The following JPT1 variants were observed in gnomAD, a reference collection of about 807,000 sequenced individuals.
The protein encoded by JPT1 is Jupiter microtubule associated homolog 1.
A neutral mutation model predicts 17.0 loss-of-function variants in JPT1; 5 were observed. The ratio of observed to expected loss-of-function variants is 0.29; its 90% CI spans 0.15 to 0.62. The LOEUF (loss-of-function observed/expected upper bound fraction) is 0.62, where lower values mean the gene tolerates loss of function less well. Ranked by LOEUF, JPT1 falls within the 20% of genes least tolerant of loss-of-function variation. The pLI, the probability that JPT1 is intolerant of heterozygous loss-of-function variation, is 0.85. For missense variants in JPT1, 158 were observed against 188.1 expected, an observed-to-expected ratio of 0.84 and a Z score of 0.94; for synonymous variants, 71 against 73.6, an observed-to-expected ratio of 0.96 and a Z score of 0.18.
In JPT1 at chr17:75,147,552, T is replaced by C. The variant is rs1237632224; in HGVS notation, c.297+4A>G. 1 of 1,606,980 alleles carries C rather than the reference T, an allele frequency of 6.2e-7. No homozygotes were observed. The highest frequency in any genetic ancestry group is 1.7e-5 in the Admixed American group (1 of 60,004). ...CCTTTCTGGCCTCATGCTGTCACAC[T>C]GACCTTCAGATCTAAGAAGTCTCCG... On this transcript the variant is annotated splice_donor_region_variant and intron_variant, in intron 3 of 4. Coordinates refer to ENST00000409753, the MANE Select transcript of JPT1 (RefSeq NM_016185.4).
intron 1 of JPT1, among the ~76,000 whole-genome samples, chr17:75,150,386 G>A (rs1354663914): frequency 6.6e-6 from 1 of 151,890 alleles, no homozygotes; most frequent in Non-Finnish European, 1.5e-5. Context: ...CTGAGTAGCT[G>A]GGATTACAGG....
At chr17:75,154,138 G>A in intron 1 of JPT1, 1 of 271,616 alleles carries the variant, frequency 3.7e-6, no homozygotes. Flanking sequence ...TGAATGGAGA[G>A]CAGCAGGGAC....
chr17:75,142,588 AGGGAGGGAG>A (rs2074337960), intron 4 of JPT1, among the ~76,000 whole-genome samples: 1 of 40,442 alleles, frequency 2.5e-5, no homozygotes, highest in South Asian at 1.7e-3. Flanking sequence ...AGGGAGGGAG[AGGGAGGGAG>A]GGAGGGGAAG....
chr17:75,138,911 G>A (rs144911661), intron 4 of JPT1, among the ~76,000 whole-genome samples: 10 of 152,250 alleles, frequency 6.6e-5, no homozygotes, highest in African/African-American at 2.4e-4. Flanking sequence ...TTCTATGGGA[G>A]TAACATAAAA....
chr17:75,143,702 G>A (rs993143642), intron 4 of JPT1, among the ~76,000 whole-genome samples: 16 of 148,142 alleles, frequency 1.1e-4, no homozygotes, highest in Non-Finnish European at 1.8e-4. Context: ...TGGGCATGGT[G>A]GTGCATGCCT....
intron 2 of JPT1, chr17:75,147,972 C>T: frequency 3.4e-6 from 1 of 295,044 alleles, no homozygotes; most frequent in Non-Finnish European, 6.4e-6. Flanking sequence ...GCACTCTGTA[C>T]TCCAGCCTGG....
chr17:75,144,022 TA>T (rs1243569374), intron 4 of JPT1, among the ~76,000 whole-genome samples: 3 of 150,804 alleles, frequency 2.0e-5, no homozygotes, highest in Non-Finnish European at 4.4e-5. Flanking sequence ...AACCCAGTCT[TA>T]AAAAAACACC....
In JPT1 at chr17:75,136,043, T is replaced by A. The variant is rs2074187661; in HGVS notation, c.*59A>T. 1.2e-6 allele frequency: 2 copies of A among 1,613,552 alleles called. No individual in the cohort carries two copies. Among genetic ancestry groups the A allele is most frequent in the African/African-American group, 2.7e-5 (2 of 74,806 alleles). ...AAGAGATGTACAGTCAGGCTCAAGTTGTGCAGTTCACAAGCATGGAGGAAA... is the reference window on the plus strand; with the variant it reads ...AAGAGATGTACAGTCAGGCTCAAGTAGTGCAGTTCACAAGCATGGAGGAAA... On this transcript the variant is annotated 3_prime_UTR_variant, in exon 5 of 5. Transcript: ENST00000409753.
intron 2 of JPT1, 162 bp from the exon 3 acceptor site, chr17:75,147,815 A>G (rs550247835): frequency 1.7e-6 from 1 of 581,662 alleles, no homozygotes; most frequent in Admixed American, 2.9e-5. Context: ...CCTGGCCAAC[A>G]TGGTAAAACC....
chr17:75,150,979 G>GAGAAGCTGGGAC (rs1314409562), intron 1 of JPT1, among the ~76,000 whole-genome samples: 2 of 149,542 alleles, frequency 1.3e-5, no homozygotes, highest in African/African-American at 2.5e-5. Flanking sequence ...TTAGCCTCTC[G>GAGAAGCTGGGAC]AGAAGCTGGG....
chr17:75,148,615 G>C lies in JPT1; in HGVS notation c.113C>G (p.Thr38Arg), dbSNP rs758823597. The change falls in exon 2 of 5, where the codon ACA becomes AGA. Residue 38 changes from threonine to arginine, a missense_variant. Coordinates refer to ENST00000409753, the MANE Select transcript of JPT1 (RefSeq NM_016185.4). Reference sequence around the variant, plus strand: ...TTTGTTCTTCCTCACAGGTTGTTCTGTTGGTTCATCAAAACCTAATGAAAA... The same window carrying C: ...TTTGTTCTTCCTCACAGGTTGTTCTCTTGGTTCATCAAAACCTAATGAAAA... ...SNFSLGFDEP[T>R]EQPVRKNKMA... The C allele has an allele frequency of 6.8e-6, 11 of 1,613,992 alleles. No individual in the cohort carries two copies.
chr17:75,154,266 G>T, intron 1 of JPT1, 76 bp downstream of exon 1: 2 of 1,220,236 alleles, frequency 1.6e-6, no homozygotes, highest in South Asian at 1.6e-5. Flanking sequence ...CGCAACGACC[G>T]GCGCGAGGCC....
At position 75,135,293 on chromosome 17, in the gene JPT1, G is replaced by C. The variant is rs1404714530; in HGVS notation, c.*809C>G. On this transcript the variant is annotated 3_prime_UTR_variant, in exon 5 of 5. Transcript: ENST00000409753. The stretch of plus-strand genomic sequence containing the variant: ...TTACTTGAAGCAACAGTCCAGGATT[G>C]TGAAGTACAACACATTTTAAGGATG... 1 of 152,694 alleles carries C rather than the reference G, an allele frequency of 6.5e-6. No homozygotes were observed. The highest frequency in any genetic ancestry group is 1.5e-5 in the Non-Finnish European group (1 of 68,070). 9.5% of individuals were successfully genotyped at this position (152,694 alleles called of 1,614,324 possible).
At chr17:75,153,146 A>G (rs1335897880) in intron 1 of JPT1, 2 of 152,190 alleles carry the variant, frequency 1.3e-5, no homozygotes, top group Non-Finnish European at 2.9e-5. Context: ...TCGATGTAAA[A>G]TACATGCTCA....
intron 4 of JPT1, among the ~76,000 whole-genome samples, chr17:75,142,037 C>G (rs141045625): frequency 0.013 from 1,984 of 152,192 alleles, 41 homozygotes; most frequent in African/African-American, 0.045. Context: ...CCACTGCACT[C>G]CAGCCTGGGT....
chr17:75,141,331 A>G (rs1419947971), intron 4 of JPT1: 1 of 152,256 alleles, frequency 6.6e-6, no homozygotes, highest in Admixed American at 6.5e-5. Context: ...AAGTTGCAGC[A>G]GTCAGCCACA....
At chr17:75,136,960 A>G (rs183114095) in intron 4 of JPT1, among the ~76,000 whole-genome samples, 3 of 152,264 alleles carry the variant, frequency 2.0e-5, no homozygotes, top group Non-Finnish European at 4.4e-5. Context: ...AACATGTAAC[A>G]TGTTTTGGTT....
Position 75,144,250 on chromosome 17 carries a change from A to T in JPT1, c.316+2416T>A, listed in dbSNP as rs1171254372. On this transcript the variant is annotated intron_variant, in intron 4 of 4. Coordinates refer to ENST00000409753, the MANE Select transcript of JPT1 (RefSeq NM_016185.4). ...ATATCCTTCGTAACAACCCAGGTACAGTGGCTCATGCCTGTAATCTCAATA... is the reference window on the plus strand; with the variant it reads ...ATATCCTTCGTAACAACCCAGGTACTGTGGCTCATGCCTGTAATCTCAATA... Among the ~76,000 whole-genome samples the T allele has an allele frequency of 2.0e-5, 3 of 152,062 alleles. No individual in the cohort carries two copies. The South Asian group carries it at 6.2e-4, about 32-fold the overall frequency.
chr17:75,142,555 G>A (rs1189296873), intron 4 of JPT1, among the ~76,000 whole-genome samples: 1 of 135,746 alleles, frequency 7.4e-6, no homozygotes, highest in Non-Finnish European at 1.6e-5. Context: ...GCTAAACTCC[G>A]TCAAGGGGGG....
Sources: gnomAD v4.1 joint callset for allele counts (sites outside exome capture counted in the v4.1 genomes callset) on GRCh38, gnomAD v4.1.1 for gene constraint, MANE v1.5 for transcripts, NCBI Gene and HGNC (gene_info 2026-07-23, HGNC 2026-07-21) for gene names.